MAP2: variants seen among roughly 807,000 people sequenced by gnomAD.
MAP2 encodes microtubule associated protein 2.
MAP2 carries 14 observed loss-of-function variants against 137.6 expected under a neutral mutation model. The observed-to-expected ratio is 0.10, with a 90% CI of 0.07 to 0.16. MAP2 has a LOEUF of 0.16. Ranked by LOEUF, MAP2 falls within the 10% of genes least tolerant of loss-of-function variation. The pLI is 1.00. For synonymous variants in MAP2, 786 were observed against 782.3 expected (o/e 1.00, Z -0.08); for missense variants, 2,088 against 2,191.5 (o/e 0.95, Z 0.94).
intron 4 of MAP2, among the ~76,000 whole-genome samples, chr2:209,646,030 A>G (rs912396884): frequency 2.6e-5 from 4 of 152,068 alleles, no homozygotes; most frequent in Admixed American, 2.0e-4. Flanking sequence ...TCTAAAAAAT[A>G]CAAAAATTAG....
At chr2:209,485,536 A>T (rs779240438) in intron 1 of MAP2, among the ~76,000 whole-genome samples, 18 of 152,186 alleles carry the variant, frequency 1.2e-4, no homozygotes, top group Non-Finnish European at 2.4e-4. Context: ...CAAGCAAACA[A>T]TTGAGGATAG....
chr2:209,632,467 A>G (rs2093171107), intron 4 of MAP2, among the ~76,000 whole-genome samples: 1 of 152,226 alleles, frequency 6.6e-6, no homozygotes, highest in Non-Finnish European at 1.5e-5. Flanking sequence ...AGAAAGAACG[A>G]ACAACAAAAA....
At chr2:209,610,498 T>A (rs1224728889) in intron 3 of MAP2, among the ~76,000 whole-genome samples, 1 of 152,086 alleles carries the variant, frequency 6.6e-6, no homozygotes, top group Admixed American at 6.6e-5. Flanking sequence ...CGAAATTTGC[T>A]GGATGATACG....
intron 1 of MAP2, among the ~76,000 whole-genome samples, chr2:209,462,308 A>T (rs1202953239): frequency 5.9e-5 from 9 of 152,196 alleles, no homozygotes; most frequent in Non-Finnish European, 7.3e-5. Context: ...GGAGGTAAAA[A>T]CAGGCTTCAG....
chr2:209,599,567 A>G (rs1041451631), intron 3 of MAP2, among the ~76,000 whole-genome samples: 11 of 152,214 alleles, frequency 7.2e-5, no homozygotes, highest in African/African-American at 2.7e-4. Context: ...TATTGGGAAC[A>G]CATTCTAGAA....
At chr2:209,480,850 TTCTTTC>T (rs573670162) in intron 1 of MAP2, among the ~76,000 whole-genome samples, 1 of 152,138 alleles carries the variant, frequency 6.6e-6, no homozygotes, top group Non-Finnish European at 1.5e-5. Context: ...TTGTTCTTCC[TTCTTTC>T]TCTTTCTCTT....
At chr2:209,574,826 A>C (rs550884555) in intron 2 of MAP2, among the ~76,000 whole-genome samples, 1 of 152,366 alleles carries the variant, frequency 6.6e-6, no homozygotes, top group East Asian at 1.9e-4. Context: ...TTTGGATATC[A>C]TGATAATTTG....
chr2:209,537,330 A>G (rs1291131261), intron 2 of MAP2, among the ~76,000 whole-genome samples: 4 of 152,176 alleles, frequency 2.6e-5, no homozygotes, highest in Non-Finnish European at 5.9e-5. Flanking sequence ...CACACAATAA[A>G]TTTTCCATAT....
intron 2 of MAP2, among the ~76,000 whole-genome samples, chr2:209,571,618 T>C (rs548929280): frequency 6.6e-6 from 1 of 152,102 alleles, no homozygotes; most frequent in Admixed American, 6.5e-5. Context: ...TCTTAAAGTG[T>C]AATGAGATTA....
intron 6 of MAP2, among the ~76,000 whole-genome samples, 172 bp downstream of exon 6, chr2:209,678,857 G>T (rs2053185728): frequency 2.0e-5 from 3 of 152,012 alleles, no homozygotes; most frequent in African/African-American, 7.3e-5. Context: ...TTTTCCACTG[G>T]TTTGTTGTAG....
intron 1 of MAP2, among the ~76,000 whole-genome samples, chr2:209,455,111 C>T (rs1432507133): frequency 6.6e-6 from 1 of 152,170 alleles, no homozygotes; most frequent in African/African-American, 2.4e-5. Context: ...AACCCAGTTA[C>T]CTCCGAAAGG....
intron 1 of MAP2, among the ~76,000 whole-genome samples, chr2:209,436,088 A>G (rs567534873): frequency 3.0e-4 from 44 of 145,488 alleles, no homozygotes; most frequent in African/African-American, 1.1e-3. Flanking sequence ...TTTCTATTTA[A>G]TTCCTTCTAA....
At chr2:209,508,571 C>T (rs1457497404) in intron 2 of MAP2, among the ~76,000 whole-genome samples, 1 of 108,296 alleles carries the variant, frequency 9.2e-6, no homozygotes, top group Non-Finnish European at 2.1e-5. Context: ...CACACAGACA[C>T]ACTCTCTCTG....
chr2:209,440,274 G>T (rs570842770), intron 1 of MAP2, among the ~76,000 whole-genome samples: 1 of 151,382 alleles, frequency 6.6e-6, no homozygotes, highest in Non-Finnish European at 1.5e-5. Context: ...AATCCCAAAA[G>T]GTTTAACAAA....
Position 209,510,723 on chromosome 2 carries a change from A to G in MAP2, c.-172+3082A>G, listed in dbSNP as rs548257663. Reference sequence around the variant, plus strand: ...GGAATACTCATGGATCATTAAAAATATCAATCTAAACAGCATAACTTGTTT... The same window carrying G: ...GGAATACTCATGGATCATTAAAAATGTCAATCTAAACAGCATAACTTGTTT... On this transcript the variant is annotated intron_variant, in intron 2 of 15. Transcript: ENST00000682079. Among the ~76,000 whole-genome samples the G allele has an allele frequency of 5.9e-5, 9 of 152,260 alleles. No individual in the cohort carries two copies. The South Asian group carries it at 1.0e-3, about 18-fold the overall frequency.
intron 1 of MAP2, among the ~76,000 whole-genome samples, chr2:209,480,200 G>A (rs553703268): frequency 5.1e-4 from 78 of 152,156 alleles, no homozygotes; most frequent in African/African-American, 1.7e-3. Context: ...CAAGGATGAG[G>A]GTCTTTCTTA....
chr2:209,603,496 A>G (rs1244740753), intron 3 of MAP2, among the ~76,000 whole-genome samples: 1 of 152,102 alleles, frequency 6.6e-6, no homozygotes, highest in Admixed American at 6.6e-5. Flanking sequence ...TTTACCTTTT[A>G]TATGTAGAAG....
rs113326237 is a variant in MAP2 at position 209,512,371 on chromosome 2, G to C, written c.-172+4730G>C. On this transcript the variant is annotated intron_variant, in intron 2 of 15. Coordinates refer to ENST00000682079, the MANE Select transcript of MAP2 (RefSeq NM_001375505.1). The stretch of plus-strand genomic sequence containing the variant: ...TGGGGATTGCTAAATAAATAGGAGT[G>C]TTTGTTCCATTGATCCTTGAAAACA... 6.1e-3 allele frequency among the ~76,000 whole-genome samples: 931 copies of C among 151,410 alleles called. 6 individuals are homozygous for C. The highest frequency in any genetic ancestry group is 0.021 in the African/African-American group (876 of 41,352).
At chr2:209,435,995 T>TATA (rs1378797854) in intron 1 of MAP2, among the ~76,000 whole-genome samples, 1 of 69,352 alleles carries the variant, frequency 1.4e-5, no homozygotes, top group Non-Finnish European at 2.4e-5. Flanking sequence ...ATATATTATA[T>TATA]ACTATATATA....
Sources: gnomAD v4.1 joint callset for allele counts (sites outside exome capture counted in the v4.1 genomes callset) on GRCh38, gnomAD v4.1.1 for gene constraint, MANE v1.5 for transcripts, NCBI Gene and HGNC (gene_info 2026-07-23, HGNC 2026-07-21) for gene names.